RAB33B: variants seen among roughly 807,000 people sequenced by gnomAD.
RAB33B encodes the protein RAB33B, member RAS oncogene family.
A neutral mutation model predicts 15.0 loss-of-function variants in RAB33B; 6 were observed. The ratio of observed to expected loss-of-function variants is 0.40; its 90% CI spans 0.22 to 0.79. RAB33B has a LOEUF of 0.79. RAB33B is among the 30% of genes least tolerant of loss of function. The pLI, the probability that RAB33B is intolerant of heterozygous loss-of-function variation, is 0.37. For missense variants in RAB33B, 257 were observed against 296.4 expected (o/e 0.87, Z 0.98); for synonymous variants, 117 against 108.3 (o/e 1.08, Z -0.50).
chr4:139,464,700 G>C (rs957840683), intron 1 of RAB33B, among the ~76,000 whole-genome samples: 24 of 152,008 alleles, frequency 1.6e-4, no homozygotes, highest in African/African-American at 5.1e-4. Context: ...CATCCGTGTC[G>C]ATACAAAGGA....
At chr4:139,465,330 T>G (rs1176268707) in intron 1 of RAB33B, among the ~76,000 whole-genome samples, 2 of 152,202 alleles carry the variant, frequency 1.3e-5, no homozygotes, top group Non-Finnish European at 2.9e-5. Context: ...TTTCTCTCAT[T>G]CTGTAGGTTG....
intron 1 of RAB33B, among the ~76,000 whole-genome samples, chr4:139,464,151 C>A (rs936353796): frequency 6.6e-6 from 1 of 152,090 alleles, no homozygotes; most frequent in African/African-American, 2.4e-5. Context: ...TCTGGTGACA[C>A]GCGCCTGTGG....
chr4:139,467,308 CTTTTTTTTTTTT>C (rs70943422), intron 1 of RAB33B, among the ~76,000 whole-genome samples: 4 of 17,620 alleles, frequency 2.3e-4, no homozygotes, highest in Non-Finnish European at 3.0e-4. Flanking sequence ...CCCCCCGCCG[CTTTTTTTTTTTT>C]TTTTTTTTTT....
rs905143633 is a variant in RAB33B, at chr4:139,473,434, G to T, written c.*308G>T. 3.7e-5 allele frequency: 12 copies of T among 324,802 alleles called. No homozygotes were observed. The highest frequency in any genetic ancestry group is 2.5e-4 in the African/African-American group (12 of 47,380). The allele number at this position is 324,802 out of a possible 1,614,324, so 20.1% of individuals were successfully genotyped here. On this transcript the variant is annotated 3_prime_UTR_variant, in exon 2 of 2. Coordinates refer to ENST00000305626, the MANE Select transcript of RAB33B (RefSeq NM_031296.3). ...GGAATCAGTAACCATTCAATCTTTT[G>T]TCCTAGGATTGGAAAAAAATGTTAA...
At chr4:139,472,493 A>G (rs1750410198) in intron 1 of RAB33B, among the ~76,000 whole-genome samples, 193 bp from the exon 2 acceptor site, 1 of 152,244 alleles carries the variant, frequency 6.6e-6, no homozygotes, top group Admixed American at 6.5e-5. Context: ...CACTTGTATT[A>G]TAATTTAATT....
chr4:139,454,475 AG>A, intron 1 of RAB33B, 31 bp downstream of exon 1: 2 of 1,595,794 alleles, frequency 1.3e-6, no homozygotes, highest in Non-Finnish European at 1.7e-6. Flanking sequence ...TGGGGAGGAC[AG>A]GGTGACAGGT....
upstream of RAB33B, chr4:139,452,667 T>C (rs758402707): frequency 6.6e-6 from 1 of 152,218 alleles, no homozygotes; most frequent in Non-Finnish European, 1.5e-5. Context: ...TAACTTGATA[T>C]ATTAGTGACT....
intron 1 of RAB33B, among the ~76,000 whole-genome samples, chr4:139,456,914 G>C (rs1750081415): frequency 6.6e-6 from 1 of 152,128 alleles, no homozygotes; most frequent in African/African-American, 2.4e-5. Flanking sequence ...TGGTTAACCT[G>C]TAATACATCT....
At chr4:139,463,211 T>C (rs13136218) in intron 1 of RAB33B, among the ~76,000 whole-genome samples, 31,409 of 152,222 alleles carry the variant, frequency 0.21, 3,565 homozygotes, top group Non-Finnish European at 0.26. Context: ...GTCGCCCAGG[T>C]TGGAGTGCAA....
chr4:139,462,502 A>G (rs1039997131), intron 1 of RAB33B, among the ~76,000 whole-genome samples: 8 of 152,176 alleles, frequency 5.3e-5, no homozygotes, highest in Non-Finnish European at 1.2e-4. Flanking sequence ...CTTTTCCCCT[A>G]TTCTTTCAAA....
chr4:139,452,516 G>A, upstream of RAB33B: 1 of 152,182 alleles, frequency 6.6e-6, no homozygotes, highest in Non-Finnish European at 1.5e-5. Context: ...GGGATAGGTA[G>A]AGCAGATTAG....
At chr4:139,455,234 T>C (rs1031044321) in intron 1 of RAB33B, among the ~76,000 whole-genome samples, 19 of 152,204 alleles carry the variant, frequency 1.2e-4, no homozygotes, top group Non-Finnish European at 2.2e-4. Flanking sequence ...TGAGGATCAA[T>C]GACAAGGCTT....
the RAB33B span, among the ~76,000 whole-genome samples, chr4:139,445,644 T>A: frequency 6.6e-6 from 1 of 152,150 alleles, no homozygotes. Context: ...CTCATTTCGG[T>A]GTGTTACTCT....
chr4:139,451,363 C>CTTTTTTTTTTTTT (rs901731114), upstream of RAB33B: 1 of 108,632 alleles, frequency 9.2e-6, no homozygotes, highest in East Asian at 2.6e-4. Flanking sequence ...ACCACACCCA[C>CTTTTTTTTTTTTT]TTTTTTTTTT....
intron 1 of RAB33B, among the ~76,000 whole-genome samples, chr4:139,462,053 CTT>C (rs1171840158): frequency 6.4e-4 from 86 of 135,424 alleles, no homozygotes; most frequent in African/African-American, 1.6e-3. Flanking sequence ...GATGACAGCT[CTT>C]TTTTTTTTTT....
At chr4:139,454,970 A>G (rs942869912) in intron 1 of RAB33B, among the ~76,000 whole-genome samples, 1 of 152,222 alleles carries the variant, frequency 6.6e-6, no homozygotes, top group Admixed American at 6.5e-5. Context: ...TTGCTGTAGT[A>G]GTTTCTTTAT....
the RAB33B span, among the ~76,000 whole-genome samples, chr4:139,438,807 T>C: frequency 1.3e-5 from 2 of 152,242 alleles, no homozygotes; most frequent in Non-Finnish European, 2.9e-5. Context: ...TACTAGCTTT[T>C]ATAATTTCCC....
At position 139,454,126 on chromosome 4, in the gene RAB33B, T is replaced by TG; in HGVS notation, c.-69dup. ...AACTGGCCGGCTGGGCGCGCGCTCT[T>TG]GCGGTGGCGTAATCTCTCAGCCTTT... is the stretch of plus-strand genomic sequence containing the variant. On this transcript the variant is annotated 5_prime_UTR_variant, in exon 1 of 2. Coordinates refer to ENST00000305626, the MANE Select transcript of RAB33B (RefSeq NM_031296.3). The TG allele has an allele frequency of 1.3e-6, 2 of 1,515,456 alleles. No individual in the cohort carries two copies. Among genetic ancestry groups the TG allele is most frequent in the South Asian group, 2.6e-5 (2 of 76,120 alleles). The allele number at this position is 1,515,456 out of a possible 1,614,324, so 93.9% of individuals were successfully genotyped here.
Position 139,474,659 on chromosome 4 carries a change from A to T in RAB33B, c.*1533A>T, listed in dbSNP as rs568776686. ...TGAAAAATAAATTAGATATTGAAAA[A>T]TGTCTAAACTTCAGTGATGGAAAGA... is the stretch of plus-strand genomic sequence containing the variant. On this transcript the variant is annotated 3_prime_UTR_variant, in exon 2 of 2. Transcript: ENST00000305626. 1 of 152,800 alleles carries T rather than the reference A, an allele frequency of 6.5e-6. No individual in the cohort carries two copies. Among genetic ancestry groups the T allele is most frequent in the African/African-American group, 2.4e-5 (1 of 41,588 alleles). 9.5% of individuals were successfully genotyped at this position (152,800 alleles called of 1,614,324 possible).
Sources: allele counts gnomAD v4.1 joint callset (sites outside exome capture counted in the v4.1 genomes callset), GRCh38; gene constraint gnomAD v4.1.1; transcripts MANE v1.5; gene names NCBI Gene and HGNC (gene_info 2026-07-23, HGNC 2026-07-21).